Variants in TUSC3 observed in about 807,000 individuals in gnomAD.
TUSC3 encodes dolichyl-diphosphooligosaccharide--protein glycosyltransferase subunit TUSC3.
TUSC3 carries 45 observed loss-of-function variants against 44.8 expected under a neutral mutation model. That is an observed-to-expected ratio of 1.00 (90% confidence interval 0.79 to 1.29). The LOEUF (loss-of-function observed/expected upper bound fraction) is 1.29, where lower values mean the gene tolerates loss of function less well. Among genes scored for constraint, TUSC3 ranks in the 50% most tolerant of loss-of-function variants. The pLI is 0.00. For missense variants in TUSC3, 519 were observed against 437.9 expected, an observed-to-expected ratio of 1.19 and a Z score of -1.65; for synonymous variants, 212 against 152.9, an observed-to-expected ratio of 1.39 and a Z score of -2.85.
intron 2 of TUSC3, among the ~76,000 whole-genome samples, chr8:15,491,356 A>G (rs915246240): frequency 7.2e-5 from 11 of 152,160 alleles, no homozygotes; most frequent in Non-Finnish European, 1.6e-4. Flanking sequence ...GTAGCTATCT[A>G]GGAACAAAAT....
intron 1 of TUSC3, among the ~76,000 whole-genome samples, chr8:15,567,004 A>G (rs17121668): frequency 0.01 from 1,574 of 152,222 alleles, 24 homozygotes; most frequent in African/African-American, 0.035. Context: ...CTTTTATACT[A>G]TGTGCTCTTG....
At chr8:15,606,561 A>G (rs932326186) in intron 1 of TUSC3, among the ~76,000 whole-genome samples, 1 of 152,048 alleles carries the variant, frequency 6.6e-6, no homozygotes, top group Non-Finnish European at 1.5e-5. Flanking sequence ...AATTGTGGAT[A>G]TTCTTGTAGG....
At chr8:15,847,299 G>A in the TUSC3 span, among the ~76,000 whole-genome samples, 2 of 152,172 alleles carry the variant, frequency 1.3e-5, no homozygotes, top group Admixed American at 1.3e-4. Context: ...GATCTTGGCT[G>A]CACTTGGTTA....
At chr8:15,612,701 CCTT>C (rs1468070229) in intron 1 of TUSC3, among the ~76,000 whole-genome samples, 2 of 152,084 alleles carry the variant, frequency 1.3e-5, no homozygotes, top group East Asian at 1.9e-4. Context: ...ATAGATGTGA[CCTT>C]CTAACCTTTG....
intron 1 of TUSC3, among the ~76,000 whole-genome samples, chr8:15,598,122 T>A (rs991087276): frequency 6.6e-6 from 1 of 151,974 alleles, no homozygotes; most frequent in African/African-American, 2.4e-5. Flanking sequence ...AAGCAGAGTT[T>A]GCAGAGCATA....
intron 1 of TUSC3, among the ~76,000 whole-genome samples, chr8:15,465,383 C>A (rs1037456960): frequency 4.6e-5 from 7 of 152,116 alleles, no homozygotes; most frequent in Non-Finnish European, 8.8e-5. Context: ...AGATTTTGAA[C>A]CACCAGCAGA....
chr8:15,514,967 G>A (rs183660480), intron 2 of TUSC3, among the ~76,000 whole-genome samples: 4 of 152,284 alleles, frequency 2.6e-5, no homozygotes, highest in Admixed American at 2.6e-4. Flanking sequence ...CTGACATATA[G>A]AGAATACTCC....
At chr8:15,677,109 C>T (rs1183211102) in intron 6 of TUSC3, among the ~76,000 whole-genome samples, 1 of 152,078 alleles carries the variant, frequency 6.6e-6, no homozygotes, top group Non-Finnish European at 1.5e-5. Context: ...GCCTTGAACT[C>T]CTGGCTCAAG....
chr8:15,640,351 T>G (rs1806308882), intron 2 of TUSC3, among the ~76,000 whole-genome samples: 2 of 152,208 alleles, frequency 1.3e-5, no homozygotes, highest in Admixed American at 6.5e-5. Flanking sequence ...CTTTTCCCTC[T>G]GCTGATTTTG....
At chr8:15,566,125 C>T (rs1171227789) in intron 1 of TUSC3, among the ~76,000 whole-genome samples, 2 of 152,156 alleles carry the variant, frequency 1.3e-5, no homozygotes, top group African/African-American at 4.8e-5. Context: ...TATGCATTCT[C>T]AGTGTCTTCT....
chr8:15,452,890 C>CT (rs571084137), intron 1 of TUSC3, among the ~76,000 whole-genome samples: 281 of 152,092 alleles, frequency 1.8e-3, no homozygotes, highest in African/African-American at 5.6e-3. Flanking sequence ...TAATTTCATA[C>CT]TTTTTTTTAA....
the TUSC3 span, among the ~76,000 whole-genome samples, chr8:15,835,038 T>C: frequency 1.3e-5 from 2 of 152,172 alleles, no homozygotes; most frequent in Non-Finnish European, 2.9e-5. Flanking sequence ...TTATGTCTCA[T>C]TTACAACATT....
chr8:15,846,407 A>T, the TUSC3 span, among the ~76,000 whole-genome samples: 1 of 152,322 alleles, frequency 6.6e-6, no homozygotes, highest in Non-Finnish European at 1.5e-5. Context: ...TCTACTATAA[A>T]GACACATGCA....
intron 5 of TUSC3, among the ~76,000 whole-genome samples, chr8:15,666,551 A>T (rs1807669147): frequency 6.6e-6 from 1 of 151,540 alleles, no homozygotes; most frequent in African/African-American, 2.4e-5. Context: ...GTGATTTATC[A>T]GTAGAAATTT....
intron 7 of TUSC3, among the ~76,000 whole-genome samples, chr8:15,738,506 G>A (rs1811031150): frequency 6.6e-6 from 1 of 152,114 alleles, no homozygotes; most frequent in Non-Finnish European, 1.5e-5. Context: ...CGTATTGCCT[G>A]TGACTACTTT....
intron 1 of TUSC3, among the ~76,000 whole-genome samples, chr8:15,576,609 G>A (rs79543297): frequency 0.36 from 48,975 of 135,948 alleles, 9,135 homozygotes; most frequent in East Asian, 0.45. Flanking sequence ...ATGATTTCCA[G>A]TTTCATCCAT....
At chr8:15,787,627 A>C in the TUSC3 span, among the ~76,000 whole-genome samples, 3 of 152,210 alleles carry the variant, frequency 2.0e-5, no homozygotes, top group African/African-American at 7.2e-5. Flanking sequence ...ATGGTTCCAA[A>C]AGATGAGAAT....
intron 7 of TUSC3, among the ~76,000 whole-genome samples, chr8:15,740,728 G>A (rs541090550): frequency 2.2e-4 from 34 of 152,224 alleles, no homozygotes; most frequent in African/African-American, 6.5e-4. Context: ...ATGATTGTAC[G>A]TAGCGAATTT....
At chr8:15,804,461 G>T in the TUSC3 span, among the ~76,000 whole-genome samples, 2 of 152,102 alleles carry the variant, frequency 1.3e-5, no homozygotes, top group Non-Finnish European at 2.9e-5. Flanking sequence ...CATAGTTTGA[G>T]GTCTTACATT....
Sources: gnomAD v4.1 joint callset for allele counts (sites outside exome capture counted in the v4.1 genomes callset) on GRCh38, gnomAD v4.1.1 for gene constraint, MANE v1.5 for transcripts, NCBI Gene and HGNC (gene_info 2026-07-23, HGNC 2026-07-21) for gene names.